KIF6: variants seen among roughly 807,000 people sequenced by gnomAD.
The protein encoded by KIF6 is kinesin family member 6.
A neutral mutation model predicts 112.7 loss-of-function variants in KIF6; 106 were observed. The ratio of observed to expected loss-of-function variants is 0.94; its 90% confidence interval spans 0.80 to 1.11. The LOEUF is 1.11. Ranked by LOEUF, KIF6 falls within the 50% of genes least tolerant of loss-of-function variation. The pLI is 0.00. For missense variants in KIF6, 929 were observed against 964.0 expected (o/e 0.96, Z 0.48); for synonymous variants, 339 against 339.9 (o/e 1.00, Z 0.03).
intron 3 of KIF6, among the ~76,000 whole-genome samples, chr6:39,658,047 T>C (rs1785904621): frequency 6.6e-6 from 1 of 152,170 alleles, no homozygotes; most frequent in African/African-American, 2.4e-5. Flanking sequence ...AACATTAAAG[T>C]TTCAAATTTA....
chr6:39,337,066 TTC>T (rs1187147211), intron 22 of KIF6, among the ~76,000 whole-genome samples: 3 of 125,464 alleles, frequency 2.4e-5, no homozygotes, highest in South Asian at 2.8e-4. Context: ...CTTTCTTTCT[TTC>T]TCTTTCCTTT....
At chr6:39,547,548 C>T (rs1779131437) in intron 10 of KIF6, among the ~76,000 whole-genome samples, 2 of 152,248 alleles carry the variant, frequency 1.3e-5, no homozygotes, top group East Asian at 3.9e-4. Flanking sequence ...CACTCCCCTG[C>T]CACCATTCCC....
At chr6:39,557,906 T>A (rs1044127249) in intron 10 of KIF6, among the ~76,000 whole-genome samples, 1 of 151,238 alleles carries the variant, frequency 6.6e-6, no homozygotes, top group Non-Finnish European at 1.5e-5. Context: ...TAATAATACT[T>A]GTTATCTTTG....
At chr6:39,550,892 G>A (rs1433374522) in intron 10 of KIF6, among the ~76,000 whole-genome samples, 1 of 152,090 alleles carries the variant, frequency 6.6e-6, no homozygotes, top group Non-Finnish European at 1.5e-5. Context: ...GAAAAGAATG[G>A]GAGATAGTGA....
At chr6:39,432,703 GA>G (rs1771247865) in intron 13 of KIF6, among the ~76,000 whole-genome samples, 3 of 152,182 alleles carry the variant, frequency 2.0e-5, no homozygotes, top group African/African-American at 7.2e-5. Context: ...GAGAGACATT[GA>G]GGGGCACGTT....
Position 39,343,856 on chromosome 6 carries a change from C to A in KIF6, c.2322-41G>T. The A allele has an allele frequency of 8.6e-7, 1 of 1,161,122 alleles. No homozygotes were observed. Among genetic ancestry groups the A allele is most frequent in the Non-Finnish European group, 1.2e-6 (1 of 801,524 alleles). The allele number at this position is 1,161,122 out of a possible 1,614,324, so 71.9% of individuals were successfully genotyped here. ...TGTCACATTTTACTACACTTTACAA[C>A]TGGACTCACCACTTATATTTCCAAA... is the stretch of plus-strand genomic sequence containing the variant. On this transcript the variant is annotated intron_variant, in intron 21 of 22. Coordinates refer to ENST00000287152, the MANE Select transcript of KIF6 (RefSeq NM_145027.6). The surrounding 1 kb of genome is among the most constrained non-coding windows in gnomAD (Gnocchi z 4.1).
At chr6:39,546,910 T>A (rs911397259) in intron 10 of KIF6, among the ~76,000 whole-genome samples, 8 of 152,052 alleles carry the variant, frequency 5.3e-5, no homozygotes, top group African/African-American at 1.9e-4. Context: ...AGAGGGAAAT[T>A]CTTGGCTCTT....
At chr6:39,660,071 G>A (rs896781651) in intron 3 of KIF6, among the ~76,000 whole-genome samples, 2 of 152,186 alleles carry the variant, frequency 1.3e-5, no homozygotes, top group African/African-American at 4.8e-5. Flanking sequence ...AGCACTTGGG[G>A]AGGCCGAGGC....
At chr6:39,361,778 G>T (rs1199823363) in intron 17 of KIF6, among the ~76,000 whole-genome samples, 1 of 151,916 alleles carries the variant, frequency 6.6e-6, no homozygotes, top group East Asian at 1.9e-4. Context: ...GTGTGCGTCG[G>T]GGGGCAGGGG....
chr6:39,552,808 T>C (rs181139409), intron 10 of KIF6, among the ~76,000 whole-genome samples: 77 of 152,290 alleles, frequency 5.1e-4, no homozygotes, highest in Admixed American at 1.8e-3. Flanking sequence ...GATGGGGTTC[T>C]TTTTGGGATG....
intron 7 of KIF6, among the ~76,000 whole-genome samples, chr6:39,589,661 G>A (rs1781823879): frequency 6.6e-6 from 1 of 152,178 alleles, no homozygotes; most frequent in Non-Finnish European, 1.5e-5. Flanking sequence ...GCCATAAGGA[G>A]GAACATCAGA....
At chr6:39,352,642 C>A (rs1257553092) in intron 19 of KIF6, among the ~76,000 whole-genome samples, 1 of 145,546 alleles carries the variant, frequency 6.9e-6, no homozygotes, top group Non-Finnish European at 1.5e-5. Context: ...CTTGCTCTGT[C>A]ACCCAGGCTG....
Position 39,336,450 on chromosome 6 carries a change from A to G in KIF6, c.*82T>C. Reference sequence around the variant, plus strand: ...CCAGCAGCCCATAGTTCACTTCTGAAGCCAGAGCAAGTGAGGGGCGCTGCC... The same window carrying G: ...CCAGCAGCCCATAGTTCACTTCTGAGGCCAGAGCAAGTGAGGGGCGCTGCC... On this transcript the variant is annotated 3_prime_UTR_variant, in exon 23 of 23. Coordinates refer to ENST00000287152, the MANE Select transcript of KIF6 (RefSeq NM_145027.6). 1 of 1,359,808 alleles carries G rather than the reference A, an allele frequency of 7.4e-7. No individual in the cohort carries two copies. The highest frequency in any genetic ancestry group is 2.3e-5 in the East Asian group (1 of 43,612). The allele number at this position is 1,359,808 out of a possible 1,614,324, so 84.2% of individuals were successfully genotyped here.
At chr6:39,720,938 T>C in intron 1 of KIF6, 127 bp from the exon 2 acceptor site, 1 of 579,428 alleles carries the variant, frequency 1.7e-6, no homozygotes, top group Non-Finnish European at 3.1e-6. Flanking sequence ...TAATATCATA[T>C]AATTTGAATA....
At position 39,398,375 on chromosome 6, in the gene KIF6, G is replaced by A. The variant is rs372030693; in HGVS notation, c.1811-12703C>T. 6.1e-4 allele frequency among the ~76,000 whole-genome samples: 93 copies of A among 152,318 alleles called. 3 individuals are homozygous for A. In the East Asian group the frequency reaches 8.1e-3, roughly 13 times the overall value. Reference sequence around the variant, plus strand: ...GAAGTTGATTTCATTTCAGCTAATGGAGCATATTGATCATCAGCTGCTCCA... The same window carrying A: ...GAAGTTGATTTCATTTCAGCTAATGAAGCATATTGATCATCAGCTGCTCCA... On this transcript the variant is annotated intron_variant, in intron 15 of 22. Coordinates refer to ENST00000287152, the MANE Select transcript of KIF6 (RefSeq NM_145027.6).
At position 39,335,056 on chromosome 6, in the gene KIF6, C is replaced by T. The variant is rs1887716; in HGVS notation, c.*1476G>A. On this transcript the variant is annotated 3_prime_UTR_variant, in exon 23 of 23. Coordinates refer to ENST00000287152, the MANE Select transcript of KIF6 (RefSeq NM_145027.6). ...AACTGAAGGACCGTTTACTGAACAGCGACTCTGTGCTTGGGACACAGCAAT... is the reference window on the plus strand; with the variant it reads ...AACTGAAGGACCGTTTACTGAACAGTGACTCTGTGCTTGGGACACAGCAAT... 0.43 allele frequency: 65,137 copies of T among 151,976 alleles called. 14,153 individuals are homozygous for T. Among genetic ancestry groups the T allele is most frequent in the East Asian group, 0.65 (3,332 of 5,162 alleles). The allele number at this position is 151,976 out of a possible 1,614,324, so 9.4% of individuals were successfully genotyped here. A position where few individuals can be genotyped will look rare whatever the true frequency, so the allele number is the denominator to read the frequency against.
intron 3 of KIF6, among the ~76,000 whole-genome samples, chr6:39,706,679 A>G (rs1350905844): frequency 6.6e-6 from 1 of 152,264 alleles, no homozygotes; most frequent in African/African-American, 2.4e-5. Flanking sequence ...GTTTATAAAC[A>G]ACGCATCTGG....
intron 13 of KIF6, among the ~76,000 whole-genome samples, chr6:39,446,372 A>C (rs1003342377): frequency 6.6e-6 from 1 of 152,190 alleles, no homozygotes; most frequent in Non-Finnish European, 1.5e-5. Flanking sequence ...ATGAGCCCCC[A>C]AAGGCATGTG....
intron 13 of KIF6, among the ~76,000 whole-genome samples, chr6:39,521,314 G>GTGTCT (rs773311551): frequency 1.3e-5 from 2 of 152,188 alleles, no homozygotes; most frequent in Non-Finnish European, 1.5e-5. Context: ...TCTTGCTTTA[G>GTGTCT]TGTCTGTATG....
Sources: allele counts gnomAD v4.1 joint callset (sites outside exome capture counted in the v4.1 genomes callset), GRCh38; gene constraint gnomAD v4.1.1; non-coding constraint Gnocchi (gnomAD v3.1); transcripts MANE v1.5; gene names NCBI Gene and HGNC (gene_info 2026-07-23, HGNC 2026-07-21).